The following CNTNAP2 variants were observed in gnomAD, a reference collection of about 807,000 sequenced individuals.
CNTNAP2 encodes contactin-associated protein-like 2.
Under a neutral mutation model 155.2 loss-of-function variants are expected in CNTNAP2, and 98 were observed. The observed-to-expected ratio is 0.63, with a 90% CI of 0.54 to 0.75. The LOEUF (loss-of-function observed/expected upper bound fraction) is 0.75. CNTNAP2 is among the 30% of genes least tolerant of loss of function. The pLI, the probability that CNTNAP2 is intolerant of heterozygous loss-of-function variation, is 0.00. For synonymous variants in CNTNAP2, 651 were observed against 631.2 expected (o/e 1.03, Z -0.47); for missense variants, 1,727 against 1,688.1 (o/e 1.02, Z -0.40).
At chr7:146,267,439 T>TA (rs1354061135) in intron 1 of CNTNAP2, among the ~76,000 whole-genome samples, 1 of 152,112 alleles carries the variant, frequency 6.6e-6, no homozygotes, top group African/African-American at 2.4e-5. Context: ...CTAGATATTA[T>TA]AAAAAATAAA....
chr7:146,748,777 A>G (rs1801855323), intron 1 of CNTNAP2, among the ~76,000 whole-genome samples: 1 of 152,218 alleles, frequency 6.6e-6, no homozygotes, highest in South Asian at 2.1e-4. Context: ...ATCTATTAAG[A>G]ACACTATGGA....
In CNTNAP2 at chr7:146,580,117, T is replaced by G. The variant is rs562060409; in HGVS notation, c.98-194154T>G. The stretch of plus-strand genomic sequence containing the variant: ...ACAGCATGACTTTTTTATTAAACCC[T>G]AAATAATCATATATAGCTTTTCTGG... On this transcript the variant is annotated intron_variant, in intron 1 of 23. Transcript: ENST00000361727. Among the ~76,000 whole-genome samples the G allele has an allele frequency of 2.0e-5, 3 of 152,280 alleles. No individual in the cohort carries two copies. The East Asian group carries it at 5.8e-4, about 29-fold the overall frequency.
chr7:146,614,646 G>C (rs1799194693), intron 1 of CNTNAP2, among the ~76,000 whole-genome samples: 1 of 152,164 alleles, frequency 6.6e-6, no homozygotes, highest in African/African-American at 2.4e-5. Flanking sequence ...CAAATGTTGT[G>C]CTTGCAATCT....
Position 148,363,528 on chromosome 7 carries a change from C to CT in CNTNAP2, c.3476-20120dup, listed in dbSNP as rs138844970. Among the ~76,000 whole-genome samples, 346 of 152,348 alleles carry CT rather than the reference C, an allele frequency of 2.3e-3. 1 individual carries two copies. The highest frequency in any genetic ancestry group is 8.1e-3 in the African/African-American group (336 of 41,590). On this transcript the variant is annotated intron_variant, in intron 21 of 23. Coordinates refer to ENST00000361727, the MANE Select transcript of CNTNAP2 (RefSeq NM_014141.6). ...AGCTCAAAAACGTACGATGGGTTTA[C>CT]TGGGATGTAGCCCCTTCATGCTGGA...
intron 1 of CNTNAP2, among the ~76,000 whole-genome samples, chr7:146,717,933 A>G (rs1027774957): frequency 3.9e-5 from 6 of 152,056 alleles, no homozygotes; most frequent in African/African-American, 1.2e-4. Context: ...GTGCCAAAAC[A>G]GGAATGGGAT....
chr7:147,320,705 A>G (rs2116819244), intron 9 of CNTNAP2, among the ~76,000 whole-genome samples: 1 of 152,212 alleles, frequency 6.6e-6, no homozygotes, highest in East Asian at 1.9e-4. Context: ...TTGCTGGTCC[A>G]TAGCAATTTT....
intron 21 of CNTNAP2, among the ~76,000 whole-genome samples, chr7:148,317,610 G>C (rs979121929): frequency 1.1e-4 from 16 of 152,150 alleles, no homozygotes; most frequent in Non-Finnish European, 2.1e-4. Context: ...TAGTATCAAA[G>C]CAATGTTAGA....
intron 8 of CNTNAP2, among the ~76,000 whole-genome samples, chr7:147,222,436 T>C (rs1168841741): frequency 6.6e-6 from 1 of 152,216 alleles, no homozygotes; most frequent in Non-Finnish European, 1.5e-5. Flanking sequence ...TCTTTAGCTC[T>C]TAAGATTTCC....
intron 8 of CNTNAP2, among the ~76,000 whole-genome samples, chr7:147,227,207 G>A (rs2116609479): frequency 6.6e-6 from 1 of 152,322 alleles, no homozygotes; most frequent in African/African-American, 2.4e-5. Context: ...CAGGAGGCAG[G>A]AAGATGCCCT....
At chr7:146,353,497 T>C (rs1794953020) in intron 1 of CNTNAP2, among the ~76,000 whole-genome samples, 1 of 152,170 alleles carries the variant, frequency 6.6e-6, no homozygotes, top group African/African-American at 2.4e-5. Flanking sequence ...AAATCACCCA[T>C]TCAGTGAGTA....
At chr7:147,826,673 C>T (rs1215801567) in intron 13 of CNTNAP2, among the ~76,000 whole-genome samples, 2 of 152,070 alleles carry the variant, frequency 1.3e-5, no homozygotes, top group Non-Finnish European at 2.9e-5. Flanking sequence ...AATTCACTGA[C>T]TGATATAAAC....
intron 2 of CNTNAP2, among the ~76,000 whole-genome samples, chr7:146,804,061 G>A (rs1459163727): frequency 1.3e-5 from 2 of 151,974 alleles, no homozygotes; most frequent in Non-Finnish European, 2.9e-5. Context: ...AGATAAATCC[G>A]TAGAAGTAGC....
At chr7:147,858,197 C>T (rs765151135) in intron 13 of CNTNAP2, among the ~76,000 whole-genome samples, 1 of 152,198 alleles carries the variant, frequency 6.6e-6, no homozygotes, top group Non-Finnish European at 1.5e-5. Flanking sequence ...AAGCAATTCT[C>T]TGCCTCAGCC....
intron 1 of CNTNAP2, among the ~76,000 whole-genome samples, chr7:146,597,033 T>C (rs1563150153): frequency 6.6e-6 from 1 of 152,004 alleles, no homozygotes; most frequent in Non-Finnish European, 1.5e-5. Context: ...CTTTCAAAAA[T>C]AACCAGGAAA....
At chr7:147,819,017 C>T (rs572567483) in intron 13 of CNTNAP2, among the ~76,000 whole-genome samples, 3 of 152,190 alleles carry the variant, frequency 2.0e-5, no homozygotes, top group East Asian at 1.9e-4. Context: ...TGTTTCTTGC[C>T]GCATTTCTCA....
chr7:147,752,328 A>AT (rs67882869), intron 13 of CNTNAP2, among the ~76,000 whole-genome samples: 151,143 of 152,008 alleles, frequency 0.99, 75,143 homozygotes, highest in Middle Eastern at 1. Context: ...TCCCTGAACC[A>AT]TTTTTTTTCT....
intron 2 of CNTNAP2, among the ~76,000 whole-genome samples, chr7:146,813,783 G>A (rs1454528776): frequency 1.3e-5 from 2 of 152,118 alleles, no homozygotes; most frequent in African/African-American, 4.8e-5. Context: ...ATCTTGAATT[G>A]TAATTCCCAT....
intron 8 of CNTNAP2, among the ~76,000 whole-genome samples, chr7:147,299,361 T>C (rs1299044479): frequency 6.6e-6 from 1 of 151,818 alleles, no homozygotes. Flanking sequence ...TAATTTTTGT[T>C]TCCAAAGATC....
chr7:147,874,285 A>G (rs2116705915), intron 13 of CNTNAP2, among the ~76,000 whole-genome samples: 1 of 152,356 alleles, frequency 6.6e-6, no homozygotes, highest in African/African-American at 2.4e-5. Flanking sequence ...GAGGTTCTCC[A>G]TGAGGGGCCT....
Sources: allele counts gnomAD v4.1 joint callset (sites outside exome capture counted in the v4.1 genomes callset), GRCh38; gene constraint gnomAD v4.1.1; transcripts MANE v1.5; gene names NCBI Gene and HGNC (gene_info 2026-07-23, HGNC 2026-07-21).